Variants in POU2F3 observed in about 807,000 individuals in gnomAD.
The protein encoded by POU2F3 is POU domain, class 2, transcription factor 3.
A neutral mutation model predicts 59.2 loss-of-function variants in POU2F3; 23 were observed. The ratio of observed to expected loss-of-function variants is 0.39; its 90% CI spans 0.28 to 0.55. The LOEUF (loss-of-function observed/expected upper bound fraction) is 0.55. POU2F3 is among the 20% of genes least tolerant of loss of function. The probability of loss-of-function intolerance (pLI) is 0.66; values close to 1 mark genes in which losing one functional copy is unlikely to be tolerated. For missense variants in POU2F3, 473 were observed against 544.5 expected (o/e 0.87, Z 1.31); for synonymous variants, 190 against 214.6 (o/e 0.89, Z 1.00).
chr11:120,297,478 G>A (rs1941222646), intron 3 of POU2F3, among the ~76,000 whole-genome samples: 1 of 152,222 alleles, frequency 6.6e-6, no homozygotes. Context: ...AGGTGAAGAG[G>A]GCCAGCTGCA....
intron 9 of POU2F3, among the ~76,000 whole-genome samples, chr11:120,308,766 C>T (rs1016478509): frequency 1.3e-5 from 2 of 151,342 alleles, no homozygotes; most frequent in African/African-American, 4.9e-5. Context: ...GGTGAAACCC[C>T]ATCTCTACTT....
intron 3 of POU2F3, among the ~76,000 whole-genome samples, chr11:120,291,813 C>CTT (rs11330526): frequency 2.1e-5 from 3 of 141,396 alleles, no homozygotes; most frequent in African/African-American, 8.0e-5. Flanking sequence ...TTTCTTTTTT[C>CTT]TTTTTTTTTT....
In POU2F3 at chr11:120,278,822, T is replaced by C. The variant is rs1018282236; in HGVS notation, c.132+9578T>C. Among the ~76,000 whole-genome samples, 5 of 152,112 alleles carry C rather than the reference T, an allele frequency of 3.3e-5. No individual in the cohort carries two copies. In the East Asian group the frequency reaches 9.6e-4, roughly 29 times the overall value. ...AAGAAATACCTGATAAAATGACGGG[T>C]TGATGGGTGCAGCAAACCATCATGG... On this transcript the variant is annotated intron_variant, in intron 3 of 12. Coordinates refer to ENST00000543440, the MANE Select transcript of POU2F3 (RefSeq NM_014352.4).
chr11:120,310,930 C>G (rs1294896966), intron 10 of POU2F3, among the ~76,000 whole-genome samples: 2 of 152,218 alleles, frequency 1.3e-5, no homozygotes, highest in African/African-American at 4.8e-5. Flanking sequence ...AACTTAGGAG[C>G]AGCAGCTAAC....
At chr11:120,269,288 G>T in intron 3 of POU2F3, 44 bp downstream of exon 3, 1 of 1,500,418 alleles carries the variant, frequency 6.7e-7, no homozygotes, top group South Asian at 1.1e-5. Flanking sequence ...TATAAAATTT[G>T]GGCATCACCT....
chr11:120,277,903 C>T (rs1940400642), intron 3 of POU2F3, among the ~76,000 whole-genome samples: 1 of 152,060 alleles, frequency 6.6e-6, no homozygotes, highest in Non-Finnish European at 1.5e-5. Flanking sequence ...AGACATATTC[C>T]CCTAAAAGGT....
intron 3 of POU2F3, among the ~76,000 whole-genome samples, chr11:120,279,387 A>G (rs544124949): frequency 5.3e-5 from 8 of 152,328 alleles, no homozygotes; most frequent in African/African-American, 1.4e-4. Flanking sequence ...CTGGTATACA[A>G]TAACGCACCA....
At chr11:120,315,225 G>A (rs1356122906) in intron 10 of POU2F3, 136 bp from the exon 11 acceptor site, 6 of 765,268 alleles carry the variant, frequency 7.8e-6, no homozygotes, top group South Asian at 3.5e-5. Context: ...AAGGAGGATG[G>A]CATGTAGGCT....
At chr11:120,255,504 G>A (rs1017375899) in intron 2 of POU2F3, among the ~76,000 whole-genome samples, 3 of 152,250 alleles carry the variant, frequency 2.0e-5, no homozygotes, top group Non-Finnish European at 4.4e-5. Flanking sequence ...CTGTTGGGGT[G>A]GGGAGGGGGA....
intron 3 of POU2F3, among the ~76,000 whole-genome samples, chr11:120,274,929 C>G (rs1163560079): frequency 1.3e-5 from 2 of 152,158 alleles, no homozygotes; most frequent in Non-Finnish European, 2.9e-5. Context: ...GGAAAACCAA[C>G]AGCATCAGAG....
chr11:120,253,124 A>T (rs1939183490), intron 2 of POU2F3, among the ~76,000 whole-genome samples: 1 of 152,096 alleles, frequency 6.6e-6, no homozygotes, highest in South Asian at 2.1e-4. Flanking sequence ...CCTGTCACAG[A>T]CATGCACCCA....
intron 4 of POU2F3, 78 bp from the exon 5 acceptor site, chr11:120,299,546 C>A: frequency 1.5e-6 from 2 of 1,327,484 alleles, no homozygotes; most frequent in Non-Finnish European, 2.1e-6. Context: ...ACCCCTGGGA[C>A]GGACGAGTGG....
intron 2 of POU2F3, among the ~76,000 whole-genome samples, chr11:120,266,432 C>A (rs143965670): frequency 6.6e-6 from 1 of 152,096 alleles, no homozygotes; most frequent in Non-Finnish European, 1.5e-5. Flanking sequence ...TAAGTCAGAT[C>A]ATGTTACTCC....
chr11:120,242,678 T>C (rs1401351267), intron 1 of POU2F3, among the ~76,000 whole-genome samples: 1 of 152,172 alleles, frequency 6.6e-6, no homozygotes. Flanking sequence ...CCACTCGCAC[T>C]GAGGCCAGCT....
At chr11:120,297,432 T>C (rs569097002) in intron 3 of POU2F3, among the ~76,000 whole-genome samples, 40 of 152,204 alleles carry the variant, frequency 2.6e-4, no homozygotes, top group African/African-American at 9.1e-4. Context: ...CCTTCACCTG[T>C]AGGGAGACAG....
At chr11:120,292,303 T>C (rs770400434) in intron 3 of POU2F3, among the ~76,000 whole-genome samples, 21 of 152,262 alleles carry the variant, frequency 1.4e-4, no homozygotes, top group Admixed American at 8.5e-4. Context: ...ATCATCCCCA[T>C]TGGGGACAGC....
chr11:120,298,568 A>T (rs1941257094), intron 4 of POU2F3, among the ~76,000 whole-genome samples, 178 bp downstream of exon 4: 1 of 152,056 alleles, frequency 6.6e-6, no homozygotes, highest in Admixed American at 6.5e-5. Flanking sequence ...CTAGCTAGGG[A>T]GGTGAAGAGG....
At chr11:120,313,843 G>A (rs534466150) in intron 10 of POU2F3, among the ~76,000 whole-genome samples, 39 of 152,184 alleles carry the variant, frequency 2.6e-4, no homozygotes, top group African/African-American at 9.2e-4. Flanking sequence ...GCAAAACCCT[G>A]TCTCTACTAA....
chr11:120,296,575 G>A (rs1262025919), intron 3 of POU2F3, among the ~76,000 whole-genome samples: 1 of 151,880 alleles, frequency 6.6e-6, no homozygotes, highest in African/African-American at 2.4e-5. Flanking sequence ...CCTCCAACAG[G>A]CCCCAGTGCG....
Sources: allele counts gnomAD v4.1 joint callset (sites outside exome capture counted in the v4.1 genomes callset), GRCh38; gene constraint gnomAD v4.1.1; transcripts MANE v1.5; gene names NCBI Gene and HGNC (gene_info 2026-07-23, HGNC 2026-07-21).